LARS1: variants seen among roughly 807,000 people sequenced by gnomAD.
The protein encoded by LARS1 is leucine--tRNA ligase, cytoplasmic.
A neutral mutation model predicts 162.8 loss-of-function variants in LARS1; 100 were observed. That is an observed-to-expected ratio of 0.61 (90% CI 0.52 to 0.73). LARS1 has a LOEUF of 0.73. Ranked by LOEUF, LARS1 falls within the 30% of genes least tolerant of loss-of-function variation. The probability of loss-of-function intolerance (pLI) is 0.00; values close to 1 mark genes in which losing one functional copy is unlikely to be tolerated. For missense variants in LARS1, 1,258 were observed against 1,408.9 expected (o/e 0.89, Z 1.71); for synonymous variants, 457 against 462.8 (o/e 0.99, Z 0.16).
Position 146,143,417 on chromosome 5 carries a change from G to A in LARS1, c.1872C>T (p.Gly624=), listed in dbSNP as rs777719088. Residue 624 remains glycine (G), a synonymous_variant, in exon 19 of 32, where the codon GGC becomes GGT. Transcript: ENST00000394434. ...NLHGQAESPL[G]IRPQQMTKEV... ...TCCCTTATCTGTTTACCAACCTAAT[G>A]CCCAGCGGAGACTCTGCCTGTCCAT... 2.5e-6 allele frequency: 4 copies of A among 1,611,874 alleles called. No individual in the cohort carries two copies. The highest frequency in any genetic ancestry group is 2.5e-6 in the Non-Finnish European group (3 of 1,178,532).
intron 2 of LARS1, among the ~76,000 whole-genome samples, chr5:146,174,765 A>G (rs1035553192): frequency 6.6e-6 from 1 of 151,608 alleles, no homozygotes; most frequent in Non-Finnish European, 1.5e-5. Flanking sequence ...GAGAAATTTT[A>G]AAAGCTGTTA....
intron 6 of LARS1, among the ~76,000 whole-genome samples, chr5:146,162,937 G>A (rs549509956): frequency 3.3e-4 from 50 of 152,284 alleles, no homozygotes; most frequent in Non-Finnish European, 5.7e-4. Flanking sequence ...AGCTTCCCAA[G>A]TAGCTGGGAT....
At chr5:146,150,816 G>A (rs1753246511) in intron 14 of LARS1, among the ~76,000 whole-genome samples, 1 of 151,790 alleles carries the variant, frequency 6.6e-6, no homozygotes, top group Non-Finnish European at 1.5e-5. Context: ...GCACGTGCCT[G>A]TAGTCCCAGC....
At chr5:146,165,534 A>G (rs1753967823) in intron 5 of LARS1, among the ~76,000 whole-genome samples, 2 of 152,160 alleles carry the variant, frequency 1.3e-5, no homozygotes, top group Admixed American at 1.3e-4. Context: ...ATGTCTTGAA[A>G]AAAACAAAAA....
In LARS1 at chr5:146,142,593, T is replaced by C. The variant is rs1010761974; in HGVS notation, c.2090+279A>G. 3.9e-5 allele frequency among the ~76,000 whole-genome samples: 6 copies of C among 152,320 alleles called. No homozygotes were observed. In the South Asian group the frequency reaches 8.3e-4, roughly 21 times the overall value. The stretch of plus-strand genomic sequence containing the variant: ...AAGGTTCTTTCCAATTCTAATGGTC[T>C]AGAATTATTCCTGCATTTAACAGGT... On this transcript the variant is annotated intron_variant, in intron 20 of 31. Transcript: ENST00000394434.
chr5:146,135,700 A>G (rs1303810261), intron 21 of LARS1, 36 bp from the exon 22 acceptor site: 2 of 1,473,600 alleles, frequency 1.4e-6, no homozygotes, highest in South Asian at 1.2e-5. Context: ...CATTAATAAC[A>G]GTAATATAAA....
intron 8 of LARS1, among the ~76,000 whole-genome samples, chr5:146,158,743 T>C (rs369616630): frequency 6.6e-6 from 1 of 152,184 alleles, no homozygotes; most frequent in African/African-American, 2.4e-5. Context: ...GCTGTTTATT[T>C]TCCAGATGGT....
At chr5:146,154,708 G>A (rs1006003626) in intron 10 of LARS1, among the ~76,000 whole-genome samples, 1 of 152,018 alleles carries the variant, frequency 6.6e-6, no homozygotes, top group Non-Finnish European at 1.5e-5. Context: ...AACCCGAGAG[G>A]TGGAGGTTGT....
At chr5:146,178,870 G>A (rs990767069) in intron 1 of LARS1, among the ~76,000 whole-genome samples, 1 of 152,032 alleles carries the variant, frequency 6.6e-6, no homozygotes, top group Non-Finnish European at 1.5e-5. Context: ...TGAGGAGGGA[G>A]GATTATTTGA....
chr5:146,122,668 C>A, intron 29 of LARS1, 81 bp from the exon 30 acceptor site: 1 of 681,596 alleles, frequency 1.5e-6, no homozygotes, highest in South Asian at 2.2e-5. Flanking sequence ...TCACCAAGAA[C>A]AAAACTAGGT....
chr5:146,150,549 C>G (rs751405491), intron 14 of LARS1, among the ~76,000 whole-genome samples: 18 of 149,288 alleles, frequency 1.2e-4, no homozygotes, highest in Non-Finnish European at 1.8e-4. Flanking sequence ...ACTGCTTGAG[C>G]CCAGGAAGCA....
chr5:146,128,627 A>C, intron 27 of LARS1, 45 bp downstream of exon 27: 1 of 1,264,262 alleles, frequency 7.9e-7, no homozygotes. Context: ...CAACATAGGG[A>C]GCATACAACA....
intron 10 of LARS1, among the ~76,000 whole-genome samples, chr5:146,157,144 T>G (rs185387052): frequency 1.3e-3 from 192 of 152,242 alleles, no homozygotes; most frequent in African/African-American, 4.5e-3. Context: ...GTGGTTACCT[T>G]TGGAGGAGAG....
intron 31 of LARS1, 148 bp downstream of exon 31, chr5:146,120,223 T>C (rs1317609570): frequency 5.8e-6 from 5 of 859,118 alleles, no homozygotes; most frequent in African/African-American, 3.5e-5. Flanking sequence ...CCAAAAAGAA[T>C]AGTTTTCTTG....
In LARS1 at chr5:146,151,943, C is replaced by T. The variant is rs996375479; in HGVS notation, c.1344G>A (p.Glu448=). 4 of 1,614,006 alleles carry T rather than the reference C, an allele frequency of 2.5e-6. No homozygotes were observed. The highest frequency in any genetic ancestry group is 3.4e-6 in the Non-Finnish European group (4 of 1,180,012). Reference sequence around the variant, plus strand: ...GGTCATTCTGGCTCTGAATTTTCAACTCATCACAAATGGTTACAGCAGAAA... The same window carrying T: ...GGTCATTCTGGCTCTGAATTTTCAATTCATCACAAATGGTTACAGCAGAAA... ...GNLSAVTICD[E]LKIQSQNDRE... Residue 448 remains glutamate, a synonymous_variant, in exon 14 of 32, where the codon GAG becomes GAA. Coordinates refer to ENST00000394434, the MANE Select transcript of LARS1 (RefSeq NM_020117.11).
rs189825540 is a variant in LARS1, at chr5:146,150,566, G to A, written c.1426-867C>T. On this transcript the variant is annotated intron_variant, in intron 14 of 31. Transcript: ENST00000394434. ...TGCTTGAGCCCAGGAAGCAGAGGTCGCAGTGAGCCAAGATTGAGCCACTCC... is the reference window on the plus strand; with the variant it reads ...TGCTTGAGCCCAGGAAGCAGAGGTCACAGTGAGCCAAGATTGAGCCACTCC... 2.6e-3 allele frequency among the ~76,000 whole-genome samples: 388 copies of A among 148,730 alleles called. 4 individuals are homozygous for A. The highest frequency in any genetic ancestry group is 0.012 in the South Asian group (57 of 4,694).
At chr5:146,150,986 T>C (rs1338071500) in intron 14 of LARS1, among the ~76,000 whole-genome samples, 2 of 74,642 alleles carry the variant, frequency 2.7e-5, no homozygotes. Context: ...CACACACAAA[T>C]GTAAATCCCA....
chr5:146,140,746 G>A (rs778034442), intron 20 of LARS1, among the ~76,000 whole-genome samples: 6 of 152,112 alleles, frequency 3.9e-5, no homozygotes, highest in South Asian at 2.1e-4. Context: ...TGGAGGTTGC[G>A]GTAAGCCAAG....
intron 15 of LARS1, among the ~76,000 whole-genome samples, chr5:146,146,532 CAAAAAAAAAAA>C (rs573828595): frequency 1.3e-3 from 34 of 26,504 alleles, no homozygotes; most frequent in Non-Finnish European, 1.9e-3. Flanking sequence ...ATGCCAGAAC[CAAAAAAAAAAA>C]AAAAAAAAAA....
Sources: gnomAD v4.1 joint callset for allele counts (sites outside exome capture counted in the v4.1 genomes callset) on GRCh38, gnomAD v4.1.1 for gene constraint, MANE v1.5 for transcripts, NCBI Gene and HGNC (gene_info 2026-07-23, HGNC 2026-07-21) for gene names.